Variants in FBXL7 observed in about 807,000 individuals in gnomAD.
FBXL7 encodes the protein F-box/LRR-repeat protein 7.
Under a neutral mutation model 38.3 loss-of-function variants are expected in FBXL7, and 12 were observed. That is an observed-to-expected ratio of 0.31 (90% CI 0.20 to 0.51). The LOEUF (loss-of-function observed/expected upper bound fraction) is 0.51, where lower values mean the gene tolerates loss of function less well. Ranked by LOEUF, FBXL7 falls within the 20% of genes least tolerant of loss-of-function variation. The pLI is 0.98. For synonymous variants in FBXL7, 297 were observed against 300.9 expected, an observed-to-expected ratio of 0.99 and a Z score of 0.13; for missense variants, 567 against 676.4, an observed-to-expected ratio of 0.84 and a Z score of 1.79.
intron 1 of FBXL7, among the ~76,000 whole-genome samples, chr5:15,584,048 A>T (rs55688478): frequency 6.6e-4 from 101 of 152,242 alleles, no homozygotes; most frequent in Non-Finnish European, 1.3e-3. Flanking sequence ...CACTCTCTGA[A>T]GCAGTGGCTC....
chr5:15,785,157 G>A (rs1737101725), intron 2 of FBXL7, among the ~76,000 whole-genome samples: 1 of 152,098 alleles, frequency 6.6e-6, no homozygotes, highest in South Asian at 2.1e-4. Context: ...TCACTGCTTG[G>A]CCTTCATAAC....
intron 2 of FBXL7, among the ~76,000 whole-genome samples, chr5:15,621,850 A>G (rs536446741): frequency 6.6e-6 from 1 of 152,354 alleles, no homozygotes; most frequent in South Asian, 2.1e-4. Flanking sequence ...CAATGCAGCC[A>G]CGGGATTTTC....
At chr5:15,849,470 G>C (rs978443980) in intron 2 of FBXL7, among the ~76,000 whole-genome samples, 2 of 152,094 alleles carry the variant, frequency 1.3e-5, no homozygotes, top group Non-Finnish European at 1.5e-5. Flanking sequence ...TTGTGGGAGT[G>C]GTTTCCCCCA....
At chr5:15,916,748 A>T (rs1056207272) in intron 2 of FBXL7, among the ~76,000 whole-genome samples, 1 of 152,230 alleles carries the variant, frequency 6.6e-6, no homozygotes, top group African/African-American at 2.4e-5. Flanking sequence ...ACAAAGAGTA[A>T]GTACATTGTG....
At chr5:15,780,233 C>T (rs1400822390) in intron 2 of FBXL7, among the ~76,000 whole-genome samples, 2 of 151,994 alleles carry the variant, frequency 1.3e-5, no homozygotes, top group Non-Finnish European at 2.9e-5. Context: ...AAGTAAAGGG[C>T]TAAAAGTTGC....
At chr5:15,810,903 T>A (rs953022677) in intron 2 of FBXL7, among the ~76,000 whole-genome samples, 9 of 152,184 alleles carry the variant, frequency 5.9e-5, no homozygotes, top group African/African-American at 2.2e-4. Context: ...ATCTCTCAAG[T>A]AAATAATCAA....
At chr5:15,651,263 A>AT (rs1741700713) in intron 2 of FBXL7, among the ~76,000 whole-genome samples, 1 of 151,632 alleles carries the variant, frequency 6.6e-6, no homozygotes, top group African/African-American at 2.4e-5. Context: ...TGCCTGGCTA[A>AT]TTTTTTATAT....
rs1741476471 is a variant in FBXL7 at position 15,644,709 on chromosome 5, GA to G, written c.127+28639del. ...TGTATGAGATGATTGGAGCCTTAAT[GA>G]ATCATTACATGCTATCATTGAGGCG... is the stretch of plus-strand genomic sequence containing the variant. On this transcript the variant is annotated intron_variant, in intron 2 of 3. Transcript: ENST00000504595. 7.2e-5 allele frequency among the ~76,000 whole-genome samples: 11 copies of G among 152,304 alleles called. 1 individual carries two copies. In the South Asian group the frequency reaches 2.1e-3, roughly 29 times the overall value.
intron 2 of FBXL7, among the ~76,000 whole-genome samples, chr5:15,832,366 C>T (rs959770915): frequency 7.2e-5 from 11 of 152,186 alleles, no homozygotes; most frequent in Non-Finnish European, 1.5e-4. Flanking sequence ...AAATGACACT[C>T]ACTAGGGAAT....
intron 1 of FBXL7, among the ~76,000 whole-genome samples, chr5:15,600,582 A>G (rs1438560558): frequency 1.3e-5 from 2 of 152,188 alleles, no homozygotes; most frequent in African/African-American, 4.8e-5. Flanking sequence ...TTGATAGTCA[A>G]CTTTTGCTTA....
At chr5:15,711,198 C>G (rs1346017372) in intron 2 of FBXL7, among the ~76,000 whole-genome samples, 6 of 152,286 alleles carry the variant, frequency 3.9e-5, no homozygotes, top group African/African-American at 1.4e-4. Flanking sequence ...ATGTCTTTAT[C>G]AGCAGCGTGA....
intron 1 of FBXL7, among the ~76,000 whole-genome samples, chr5:15,543,708 T>C (rs763370959): frequency 5.9e-5 from 9 of 152,108 alleles, no homozygotes; most frequent in Non-Finnish European, 7.4e-5. Context: ...ACACTAAAAA[T>C]TAGCTAAGGA....
intron 2 of FBXL7, among the ~76,000 whole-genome samples, chr5:15,717,757 A>T (rs1194314793): frequency 1.3e-5 from 2 of 152,194 alleles, no homozygotes; most frequent in Non-Finnish European, 2.9e-5. Flanking sequence ...CAGATGGGGG[A>T]ACTTTATACA....
chr5:15,700,489 G>A (rs1184379638), intron 2 of FBXL7, among the ~76,000 whole-genome samples: 3 of 152,162 alleles, frequency 2.0e-5, no homozygotes, highest in Non-Finnish European at 2.9e-5. Context: ...ATAATAAGTG[G>A]AGTCTGCCAG....
chr5:15,584,156 G>T (rs1448453055), intron 1 of FBXL7, among the ~76,000 whole-genome samples: 1 of 152,162 alleles, frequency 6.6e-6, no homozygotes, highest in African/African-American at 2.4e-5. Flanking sequence ...TGGGCCCTGG[G>T]CCTGGTCCAC....
chr5:15,869,494 A>G (rs1739860615), intron 2 of FBXL7, among the ~76,000 whole-genome samples: 1 of 152,202 alleles, frequency 6.6e-6, no homozygotes, highest in Non-Finnish European at 1.5e-5. Flanking sequence ...GAGACAATAA[A>G]TTACGTCATC....
intron 2 of FBXL7, among the ~76,000 whole-genome samples, chr5:15,766,269 AT>A (rs140808853): frequency 0.097 from 14,727 of 152,152 alleles, 941 homozygotes; most frequent in Admixed American, 0.18. Context: ...TCTACTCTGT[AT>A]TTCCAGTATG....
At chr5:15,772,805 G>C (rs1238631580) in intron 2 of FBXL7, among the ~76,000 whole-genome samples, 1 of 151,896 alleles carries the variant, frequency 6.6e-6, no homozygotes, top group Non-Finnish European at 1.5e-5. Context: ...CATATTGTTT[G>C]TTTCTACCTA....
At chr5:15,646,244 C>G (rs1229086817) in intron 2 of FBXL7, among the ~76,000 whole-genome samples, 1 of 152,178 alleles carries the variant, frequency 6.6e-6, no homozygotes, top group Non-Finnish European at 1.5e-5. Context: ...TGGAATTATT[C>G]TAGTTTCCAG....
Sources: gnomAD v4.1 joint callset for allele counts (sites outside exome capture counted in the v4.1 genomes callset) on GRCh38, gnomAD v4.1.1 for gene constraint, MANE v1.5 for transcripts, NCBI Gene and HGNC (gene_info 2026-07-23, HGNC 2026-07-21) for gene names.